KBTBD2: variants seen among roughly 807,000 people sequenced by gnomAD.
KBTBD2 encodes kelch repeat and BTB domain-containing protein 2.
A neutral mutation model predicts 57.1 loss-of-function variants in KBTBD2; 17 were observed. The ratio of observed to expected loss-of-function variants is 0.30; its 90% CI spans 0.20 to 0.45. The LOEUF (loss-of-function observed/expected upper bound fraction) is 0.45. Among genes scored for constraint, KBTBD2 ranks in the 20% least tolerant of loss-of-function variants. The pLI, the probability that KBTBD2 is intolerant of heterozygous loss-of-function variation, is 1.00. For synonymous variants in KBTBD2, 267 were observed against 262.7 expected (o/e 1.02, Z -0.16); for missense variants, 515 against 750.6 (o/e 0.69, Z 3.67).
At chr7:32,872,058 G>T (rs1376036268) in intron 3 of KBTBD2, among the ~76,000 whole-genome samples, 1 of 152,134 alleles carries the variant, frequency 6.6e-6, no homozygotes, top group African/African-American at 2.4e-5. Context: ...AAAATTAGCT[G>T]GATGTGCTGG....
At chr7:32,875,246 T>C (rs1562532993) in intron 2 of KBTBD2, 89 bp from the exon 3 acceptor site, 12 of 1,164,968 alleles carry the variant, frequency 1.0e-5, no homozygotes, top group African/African-American at 1.5e-5. Context: ...ATAAGAGGTG[T>C]TTATTTAGGG....
chr7:32,886,002 G>A (rs954302538), intron 1 of KBTBD2, among the ~76,000 whole-genome samples: 1 of 150,328 alleles, frequency 6.7e-6, no homozygotes, highest in African/African-American at 2.5e-5. Context: ...TCCACCACCC[G>A]GGTTCAAGCA....
At chr7:32,877,264 G>A (rs10258675) in intron 2 of KBTBD2, among the ~76,000 whole-genome samples, 73,473 of 151,816 alleles carry the variant, frequency 0.48, 19,425 homozygotes, top group African/African-American at 0.71. Context: ...TGATCCGCCC[G>A]CCTCTGCCTC....
Position 32,869,354 on chromosome 7 carries a change from T to C in KBTBD2, c.1863A>G (p.Pro621=), listed in dbSNP as rs530256398. 78 of 1,607,136 alleles carry C rather than the reference T, an allele frequency of 4.9e-5. 1 individual carries two copies. In the South Asian group the frequency reaches 8.3e-4, roughly 17 times the overall value. ...TCCCTGAACTTCCCCACTATACAGG[T>C]GGTAGTGCAACCATTTCTCCATCCA... ...FELDGEMVAL[P]PV Residue 621 remains proline (P), a synonymous_variant, in exon 4 of 4, where the codon CCA becomes CCG. Coordinates refer to ENST00000304056, the MANE Select transcript of KBTBD2 (RefSeq NM_015483.3).
Position 32,870,678 on chromosome 7 carries a change from A to C in KBTBD2, c.539T>G (p.Ile180Ser). 6.2e-7 allele frequency: 1 copy of C among 1,613,934 alleles called. No homozygotes were observed. The highest frequency in any genetic ancestry group is 8.5e-7 in the Non-Finnish European group (1 of 1,179,812). ...TACATTTAAATTGTCACTACTGAGA[A>C]TATCTATCAGTAGGTCATGTGACAG... Reference protein sequence around the residue: ...MQLSHDLLIDILSSDNLNVEK... With the variant: ...MQLSHDLLIDSLSSDNLNVEK... The change falls in exon 4 of 4, where the codon ATT becomes AGT. Residue 180 changes from isoleucine (I) to serine (S), a missense_variant. Ile to Ser is a moderately radical substitution (Grantham distance 142). Coordinates refer to ENST00000304056, the MANE Select transcript of KBTBD2 (RefSeq NM_015483.3).
chr7:32,889,214 C>A (rs866329030), intron 1 of KBTBD2, among the ~76,000 whole-genome samples: 2 of 151,750 alleles, frequency 1.3e-5, no homozygotes, highest in Non-Finnish European at 2.9e-5. Flanking sequence ...TGGCGTGAAC[C>A]CGGGAGGCGG....
rs1784160092 is a variant in KBTBD2, at chr7:32,870,870, A to G, written c.347T>C (p.Val116Ala). The change falls in exon 4 of 4, where the codon GTG (valine) becomes GCG (alanine). Residue 116 changes from valine (V) to alanine (A), a missense_variant. Coordinates refer to ENST00000304056, the MANE Select transcript of KBTBD2 (RefSeq NM_015483.3). ...TAAATATTCTCGACAACGTTGTAAC[A>G]CATCTTCTACCTAGAATGAGAAGGA... Reference protein sequence around the residue: ...ETACFLQVEDVLQRCREYLIK... With the variant: ...ETACFLQVEDALQRCREYLIK... 1 of 1,556,704 alleles carries G rather than the reference A, an allele frequency of 6.4e-7. No individual in the cohort carries two copies. The highest frequency in any genetic ancestry group is 8.6e-7 in the Non-Finnish European group (1 of 1,157,568).
upstream of KBTBD2, chr7:32,891,895 CG>C (rs1172536915): frequency 2.2e-5 from 3 of 139,138 alleles, no homozygotes; most frequent in African/African-American, 7.8e-5. Context: ...CCGCCGCCCC[CG>C]CCCCCGCCCC....
In KBTBD2 at chr7:32,869,772, T is replaced by C. The variant is rs1784125884; in HGVS notation, c.1445A>G (p.Asn482Ser). Residue 482 changes from asparagine to serine, a missense_variant, in exon 4 of 4, where the codon AAT (asparagine) becomes AGT (serine). Asn to Ser is a conservative substitution (Grantham distance 46). Transcript: ENST00000304056. Reference protein sequence around the residue: ...FYIGGLHIATNSGIRLPSGTV... With the variant: ...FYIGGLHIATSSGIRLPSGTV... ...GCCAGAGGGGAGTCTTATGCCGGAATTGGTAGCAATATGCAACCCTCCAAT... is the reference window on the plus strand; with the variant it reads ...GCCAGAGGGGAGTCTTATGCCGGAACTGGTAGCAATATGCAACCCTCCAAT... 3 of 1,614,100 alleles carry C rather than the reference T, an allele frequency of 1.9e-6. No homozygotes were observed. The highest frequency in any genetic ancestry group is 1.1e-5 in the South Asian group (1 of 91,084).
chr7:32,870,197 A>C lies in KBTBD2; in HGVS notation c.1020T>G (p.Leu340=). ...AATTCACAGTTCTGAAGGCAGTCTG[A>C]AGTTTGCTTGTTTTACTGTGATTTG... ...TKTNHSKTSK[L]QTAFRTVNCF... Residue 340 remains leucine, a synonymous_variant, in exon 4 of 4, where the codon CTT becomes CTG. Transcript: ENST00000304056. 1 of 1,614,158 alleles carries C rather than the reference A, an allele frequency of 6.2e-7. No individual in the cohort carries two copies. Among genetic ancestry groups the C allele is most frequent in the Non-Finnish European group, 8.5e-7 (1 of 1,180,022 alleles).
At chr7:32,875,525 G>C (rs1784290440) in intron 2 of KBTBD2, among the ~76,000 whole-genome samples, 1 of 152,104 alleles carries the variant, frequency 6.6e-6, no homozygotes, top group South Asian at 2.1e-4. Flanking sequence ...TCCTGCCTCA[G>C]CCTCTGAAAG....
chr7:32,889,384 C>T (rs1784671546), intron 1 of KBTBD2, among the ~76,000 whole-genome samples: 1 of 152,098 alleles, frequency 6.6e-6, no homozygotes, highest in South Asian at 2.1e-4. Context: ...GAGGGGATCA[C>T]GAGGTCAGGA....
chr7:32,881,212 G>T (rs1291264387), intron 1 of KBTBD2, among the ~76,000 whole-genome samples: 1 of 150,950 alleles, frequency 6.6e-6, no homozygotes, highest in Non-Finnish European at 1.5e-5. Flanking sequence ...GCTCAAGGGG[G>T]CAAAAAAACC....
At chr7:32,875,265 TATAAG>T (rs1424242663) in intron 2 of KBTBD2, 108 bp from the exon 3 acceptor site, 3 of 1,036,262 alleles carry the variant, frequency 2.9e-6, no homozygotes, top group East Asian at 2.4e-5. Context: ...GGTATTTACT[TATAAG>T]AGAAACTTTT....
rs1784115498 is a variant in KBTBD2, at chr7:32,869,520, T to C, written c.1697A>G (p.His566Arg). The C allele has an allele frequency of 6.2e-7, 1 of 1,614,198 alleles. No individual in the cohort carries two copies. Residue 566 changes from histidine to arginine, a missense_variant, in exon 4 of 4, where the codon CAT (histidine) becomes CGT (arginine). Physicochemically the swap from His to Arg is conservative, Grantham distance 29. Coordinates refer to ENST00000304056, the MANE Select transcript of KBTBD2 (RefSeq NM_015483.3). ...LELDRWSLRQ[H>R]ISERVLWDLG... Reference sequence around the variant, plus strand: ...GTCCCACAGTACACGTTCAGATATATGCTGCCGCAGAGACCACCGGTCAAG... The same window carrying C: ...GTCCCACAGTACACGTTCAGATATACGCTGCCGCAGAGACCACCGGTCAAG...
In KBTBD2 at chr7:32,870,347, G is replaced by A; in HGVS notation, c.870C>T (p.Pro290=). ...ATAACTTGTAAACTTTTTCTGCTTG[G>A]GGGCTGTAACAGACAGAAGAGTAAA... ...CSLYSSVCYS[P]QAEKVYKLCS... The change falls in exon 4 of 4, where the codon CCC becomes CCT. Residue 290 remains proline, a synonymous_variant. Coordinates refer to ENST00000304056, the MANE Select transcript of KBTBD2 (RefSeq NM_015483.3). 1 of 1,613,474 alleles carries A rather than the reference G, an allele frequency of 6.2e-7. No homozygotes were observed.
At chr7:32,880,517 T>C (rs1004163997) in intron 1 of KBTBD2, among the ~76,000 whole-genome samples, 2 of 150,512 alleles carry the variant, frequency 1.3e-5, no homozygotes, top group African/African-American at 4.9e-5. Flanking sequence ...GGTTCTTTCC[T>C]AGGAATCTTT....
At chr7:32,888,958 CTTTTA>C (rs1250033667) in intron 1 of KBTBD2, among the ~76,000 whole-genome samples, 1 of 152,116 alleles carries the variant, frequency 6.6e-6, no homozygotes. Flanking sequence ...ATACTATGTC[CTTTTA>C]TTTTGGGTAT....
chr7:32,869,368 T>C lies in KBTBD2; in HGVS notation c.1849A>G (p.Met617Val). 1.2e-6 allele frequency: 2 copies of C among 1,611,936 alleles called. No individual in the cohort carries two copies. The highest frequency in any genetic ancestry group is 8.5e-7 in the Non-Finnish European group (1 of 1,178,646). The change falls in exon 4 of 4, where the codon ATG becomes GTG. Residue 617 changes from methionine (M) to valine (V), a missense_variant. By Grantham distance (21) the Met-to-Val change is conservative. Transcript: ENST00000304056. ...GTEEFELDGE[M>V]VALPPV ...CACTATACAGGTGGTAGTGCAACCATTTCTCCATCCAGTTCAAACTCTTCT... is the reference window on the plus strand; with the variant it reads ...CACTATACAGGTGGTAGTGCAACCACTTCTCCATCCAGTTCAAACTCTTCT...
Sources: gnomAD v4.1 joint callset for allele counts (sites outside exome capture counted in the v4.1 genomes callset) on GRCh38, gnomAD v4.1.1 for gene constraint, MANE v1.5 for transcripts, NCBI Gene and HGNC (gene_info 2026-07-23, HGNC 2026-07-21) for gene names.